The following RNGTT variants were observed in gnomAD, a reference collection of about 807,000 sequenced individuals.
RNGTT encodes the protein RNA guanylyltransferase and 5'-phosphatase.
RNGTT carries 33 observed loss-of-function variants against 79.3 expected under a neutral mutation model. The observed-to-expected ratio is 0.42, with a 90% CI of 0.32 to 0.56. RNGTT has a LOEUF of 0.56. RNGTT is among the 20% of genes least tolerant of loss of function. The probability of loss-of-function intolerance (pLI) is 0.17; values close to 1 mark genes in which losing one functional copy is unlikely to be tolerated. For missense variants in RNGTT, 497 were observed against 739.1 expected (o/e 0.67, Z 3.80); for synonymous variants, 222 against 235.9 (o/e 0.94, Z 0.54).
intron 12 of RNGTT, among the ~76,000 whole-genome samples, chr6:88,797,515 G>A (rs1380470726): frequency 6.6e-6 from 1 of 152,022 alleles, no homozygotes; most frequent in African/African-American, 2.4e-5. Context: ...ACTAAAGAAT[G>A]GAAGGCTTCA....
chr6:88,636,047 A>G (rs1773087805), intron 14 of RNGTT, among the ~76,000 whole-genome samples: 1 of 152,086 alleles, frequency 6.6e-6, no homozygotes, highest in African/African-American at 2.4e-5. Flanking sequence ...TCATATTCTG[A>G]TGAATCAACA....
chr6:88,870,084 G>C (rs946969894), intron 8 of RNGTT, among the ~76,000 whole-genome samples: 11 of 152,126 alleles, frequency 7.2e-5, no homozygotes, highest in Non-Finnish European at 1.5e-4. Context: ...AAAAATAGCA[G>C]CAACATTAAA....
intron 11 of RNGTT, among the ~76,000 whole-genome samples, chr6:88,807,622 C>T (rs1406477129): frequency 6.6e-6 from 1 of 151,960 alleles, no homozygotes; most frequent in African/African-American, 2.4e-5. Flanking sequence ...AATGCGAAAA[C>T]AAAAAGAAAG....
At chr6:88,673,345 G>T (rs1303968136) in intron 14 of RNGTT, among the ~76,000 whole-genome samples, 2 of 152,146 alleles carry the variant, frequency 1.3e-5, no homozygotes, top group East Asian at 3.8e-4. Context: ...GGAAAAAAGT[G>T]AACATAACAA....
intron 8 of RNGTT, among the ~76,000 whole-genome samples, chr6:88,876,498 CA>C (rs1782523801): frequency 6.6e-6 from 1 of 152,202 alleles, no homozygotes; most frequent in Non-Finnish European, 1.5e-5. Flanking sequence ...CTAGGCAAAA[CA>C]GTGAGACCCT....
At chr6:88,658,164 T>C (rs763871939) in intron 14 of RNGTT, among the ~76,000 whole-genome samples, 2 of 152,160 alleles carry the variant, frequency 1.3e-5, no homozygotes, top group Admixed American at 6.5e-5. Context: ...CAGCAGCTCA[T>C]AGCAGAACAA....
At chr6:88,862,205 CT>C (rs1289991450) in intron 8 of RNGTT, among the ~76,000 whole-genome samples, 1 of 152,146 alleles carries the variant, frequency 6.6e-6, no homozygotes, top group Non-Finnish European at 1.5e-5. Flanking sequence ...CTCTAGGTAG[CT>C]TCGGGATGGG....
chr6:88,671,780 G>A (rs987026070), intron 14 of RNGTT, among the ~76,000 whole-genome samples: 16 of 152,140 alleles, frequency 1.1e-4, no homozygotes, highest in African/African-American at 3.9e-4. Flanking sequence ...GAACAGAACA[G>A]AGAACCTAGA....
At chr6:88,717,592 T>C (rs2127811096) in intron 13 of RNGTT, among the ~76,000 whole-genome samples, 1 of 152,224 alleles carries the variant, frequency 6.6e-6, no homozygotes, top group East Asian at 1.9e-4. Context: ...AACAAAATGA[T>C]GATCAATACT....
At chr6:88,751,135 A>G (rs1336248338) in intron 13 of RNGTT, among the ~76,000 whole-genome samples, 1 of 152,200 alleles carries the variant, frequency 6.6e-6, no homozygotes, top group Non-Finnish European at 1.5e-5. Flanking sequence ...ATTGAAGACA[A>G]GTAAGCCAGT....
intron 12 of RNGTT, among the ~76,000 whole-genome samples, chr6:88,771,309 GTGTGTGTATATATA>G (rs746877589): frequency 0.13 from 11,455 of 87,302 alleles, 645 homozygotes; most frequent in Middle Eastern, 0.22. Flanking sequence ...ATGTATGTGT[GTGTGTGTATATATA>G]TATATATATA....
At chr6:88,794,431 A>G (rs1779525356) in intron 12 of RNGTT, among the ~76,000 whole-genome samples, 1 of 152,264 alleles carries the variant, frequency 6.6e-6, no homozygotes, top group South Asian at 2.1e-4. Flanking sequence ...ATAAAAAACT[A>G]GTCAAATCTG....
chr6:88,813,735 A>C (rs1249507291), intron 11 of RNGTT, among the ~76,000 whole-genome samples: 1 of 152,196 alleles, frequency 6.6e-6, no homozygotes, highest in African/African-American at 2.4e-5. Flanking sequence ...AGAGTGTCAG[A>C]GTCCCAAAAA....
chr6:88,775,109 T>C (rs763544290), intron 12 of RNGTT, among the ~76,000 whole-genome samples: 2 of 152,174 alleles, frequency 1.3e-5, no homozygotes, highest in Admixed American at 6.6e-5. Context: ...AAAAATTAAT[T>C]GAAATTTTTT....
chr6:88,922,882 C>G (rs1274336849), intron 4 of RNGTT, among the ~76,000 whole-genome samples: 7 of 152,126 alleles, frequency 4.6e-5, no homozygotes, highest in Non-Finnish European at 4.4e-5. Flanking sequence ...CCCTGATTCG[C>G]TCTTTTAAAT....
At chr6:88,699,113 T>G (rs1012042548) in intron 13 of RNGTT, among the ~76,000 whole-genome samples, 1 of 152,166 alleles carries the variant, frequency 6.6e-6, no homozygotes, top group Non-Finnish European at 1.5e-5. Context: ...AATAATAATA[T>G]TTTTCCATTC....
chr6:88,678,921 T>C (rs1314745872), intron 13 of RNGTT, among the ~76,000 whole-genome samples: 1 of 152,202 alleles, frequency 6.6e-6, no homozygotes, highest in Admixed American at 6.5e-5. Flanking sequence ...AGTCCACTTA[T>C]ACAGGGATCG....
chr6:88,900,840 TA>T (rs148990170), intron 6 of RNGTT, among the ~76,000 whole-genome samples: 5,373 of 143,968 alleles, frequency 0.037, 125 homozygotes, highest in South Asian at 0.12. Flanking sequence ...AAACAGTTTT[TA>T]AAAAAAAAAA....
At chr6:88,931,935 G>A (rs191920042) in intron 2 of RNGTT, among the ~76,000 whole-genome samples, 2 of 152,146 alleles carry the variant, frequency 1.3e-5, no homozygotes, top group African/African-American at 2.4e-5. Context: ...TTTGAACAGC[G>A]TGAGATCTGG....
Sources: allele counts gnomAD v4.1 joint callset (sites outside exome capture counted in the v4.1 genomes callset), GRCh38; gene constraint gnomAD v4.1.1; transcripts MANE v1.5; gene names NCBI Gene and HGNC (gene_info 2026-07-23, HGNC 2026-07-21).